The following GABRG3 variants were observed in gnomAD, a reference collection of about 807,000 sequenced individuals.
GABRG3 encodes gamma-aminobutyric acid type A receptor subunit gamma3.
Under a neutral mutation model 48.8 loss-of-function variants are expected in GABRG3, and 25 were observed. The ratio of observed to expected loss-of-function variants is 0.51; its 90% CI spans 0.37 to 0.72. The LOEUF (loss-of-function observed/expected upper bound fraction) is 0.72, where lower values mean the gene tolerates loss of function less well. GABRG3 is among the 30% of genes least tolerant of loss of function. The pLI, the probability that GABRG3 is intolerant of heterozygous loss-of-function variation, is 0.00. For missense variants in GABRG3, 394 were observed against 577.9 expected (o/e 0.68, Z 3.26); for synonymous variants, 227 against 217.6 (o/e 1.04, Z -0.38).
At chr15:27,395,604 T>A (rs1887275242) in intron 5 of GABRG3, among the ~76,000 whole-genome samples, 1 of 152,194 alleles carries the variant, frequency 6.6e-6, no homozygotes, top group African/African-American at 2.4e-5. Flanking sequence ...GTCATCTGAA[T>A]TTCAACAAGA....
chr15:27,244,704 G>A lies in GABRG3; in HGVS notation c.271-82105G>A, dbSNP rs569404626. Among the ~76,000 whole-genome samples, 8 of 152,244 alleles carry A rather than the reference G, an allele frequency of 5.3e-5. No individual in the cohort carries two copies. In the East Asian group the frequency reaches 1.5e-3, roughly 29 times the overall value. Reference sequence around the variant, plus strand: ...AGGCTGAGGTGGGAGGATCGCTTGAGCCCAGGAGTTTGAGGCTACAGTGAG... The same window carrying A: ...AGGCTGAGGTGGGAGGATCGCTTGAACCCAGGAGTTTGAGGCTACAGTGAG... On this transcript the variant is annotated intron_variant, in intron 3 of 9. Coordinates refer to ENST00000615808, the MANE Select transcript of GABRG3 (RefSeq NM_033223.5).
intron 3 of GABRG3, among the ~76,000 whole-genome samples, chr15:27,170,765 G>T (rs1321356605): frequency 2.0e-5 from 3 of 152,148 alleles, no homozygotes; most frequent in Non-Finnish European, 1.5e-5. Flanking sequence ...TAACAAATAA[G>T]ATGTGGGCAA....
intron 3 of GABRG3, among the ~76,000 whole-genome samples, chr15:27,088,929 AAG>A (rs1897136409): frequency 6.6e-6 from 1 of 151,996 alleles, no homozygotes; most frequent in African/African-American, 2.4e-5. Flanking sequence ...CTTGGCTGGG[AAG>A]GAGGGGAATG....
intron 3 of GABRG3, among the ~76,000 whole-genome samples, chr15:27,170,161 G>A (rs1172421937): frequency 6.6e-6 from 1 of 152,088 alleles, no homozygotes; most frequent in East Asian, 1.9e-4. Flanking sequence ...GCAGACATGT[G>A]GGTAAATTTT....
intron 3 of GABRG3, among the ~76,000 whole-genome samples, chr15:27,222,954 C>A (rs1013280891): frequency 6.6e-6 from 1 of 152,222 alleles, no homozygotes; most frequent in Non-Finnish European, 1.5e-5. Context: ...AAACAATCAA[C>A]TTTCAAGCAT....
At chr15:27,243,504 T>C (rs1890189074) in intron 3 of GABRG3, among the ~76,000 whole-genome samples, 1 of 151,832 alleles carries the variant, frequency 6.6e-6, no homozygotes, top group African/African-American at 2.4e-5. Context: ...TCCCGTGGGA[T>C]TGGTTAGGGG....
At chr15:27,455,838 ATGTG>A (rs959644454) in intron 5 of GABRG3, among the ~76,000 whole-genome samples, 2 of 151,180 alleles carry the variant, frequency 1.3e-5, no homozygotes, top group Non-Finnish European at 3.0e-5. Context: ...AGTGTGTGTG[ATGTG>A]TGTGTGTTGT....
chr15:27,089,786 C>A (rs1219450352), intron 3 of GABRG3, among the ~76,000 whole-genome samples: 22 of 152,258 alleles, frequency 1.4e-4, no homozygotes, highest in Non-Finnish European at 3.1e-4. Flanking sequence ...TGAATGAAAT[C>A]ATATGCCATG....
chr15:27,351,908 A>G (rs1470074832), intron 5 of GABRG3, among the ~76,000 whole-genome samples: 5 of 128,358 alleles, frequency 3.9e-5, no homozygotes, highest in African/African-American at 6.0e-5. Context: ...GTATGTATGT[A>G]TAGTGTGTGT....
intron 3 of GABRG3, among the ~76,000 whole-genome samples, chr15:27,056,992 T>C (rs1896559841): frequency 6.6e-6 from 1 of 152,156 alleles, no homozygotes. Flanking sequence ...GACTCTATAC[T>C]CTTCCCTGCT....
At chr15:27,468,758 A>T (rs897578849) in intron 5 of GABRG3, among the ~76,000 whole-genome samples, 1 of 152,238 alleles carries the variant, frequency 6.6e-6, no homozygotes, top group Admixed American at 6.5e-5. Context: ...GGATATGCCA[A>T]AGAGAAGCCA....
At chr15:27,476,781 C>T (rs1460140103) in intron 5 of GABRG3, among the ~76,000 whole-genome samples, 1 of 152,046 alleles carries the variant, frequency 6.6e-6, no homozygotes, top group Non-Finnish European at 1.5e-5. Context: ...AAAATAGTGG[C>T]CAAAAATTTG....
chr15:27,332,458 C>T (rs1023561716), intron 5 of GABRG3, among the ~76,000 whole-genome samples: 38 of 152,036 alleles, frequency 2.5e-4, no homozygotes, highest in East Asian at 1.9e-4. Flanking sequence ...CGCTTGAACC[C>T]GGGAGGCAGA....
intron 3 of GABRG3, among the ~76,000 whole-genome samples, chr15:27,325,211 C>T (rs907052262): frequency 1.3e-5 from 2 of 152,216 alleles, no homozygotes; most frequent in Non-Finnish European, 2.9e-5. Flanking sequence ...CACACACTTA[C>T]ACACACACCT....
At chr15:27,498,176 CTCTT>C (rs1324388031) in intron 6 of GABRG3, among the ~76,000 whole-genome samples, 1 of 151,766 alleles carries the variant, frequency 6.6e-6, no homozygotes, top group African/African-American at 2.4e-5. Flanking sequence ...TTCCTTCTCC[CTCTT>C]TCTTTCTTCT....
intron 3 of GABRG3, among the ~76,000 whole-genome samples, chr15:27,097,141 C>T (rs1027147175): frequency 4.6e-5 from 7 of 151,958 alleles, no homozygotes; most frequent in South Asian, 2.1e-4. Context: ...TGTGAGCCAC[C>T]GCGCCTGGCC....
intron 3 of GABRG3, among the ~76,000 whole-genome samples, chr15:27,100,368 A>G (rs887445176): frequency 6.6e-6 from 1 of 152,214 alleles, no homozygotes; most frequent in African/African-American, 2.4e-5. Flanking sequence ...CTTGAGTTTT[A>G]TATGGTGTAA....
At chr15:27,081,593 A>G (rs1005360490) in intron 3 of GABRG3, among the ~76,000 whole-genome samples, 34 of 152,280 alleles carry the variant, frequency 2.2e-4, no homozygotes, top group African/African-American at 7.9e-4. Flanking sequence ...GCTGGCCCCA[A>G]ATGGATGTCA....
chr15:27,003,358 A>G (rs1895494542), intron 2 of GABRG3, among the ~76,000 whole-genome samples: 1 of 151,768 alleles, frequency 6.6e-6, no homozygotes, highest in African/African-American at 2.4e-5. Flanking sequence ...TCCTAGGCAG[A>G]GGTCCCTGCG....
Sources: gnomAD v4.1 joint callset for allele counts (sites outside exome capture counted in the v4.1 genomes callset) on GRCh38, gnomAD v4.1.1 for gene constraint, MANE v1.5 for transcripts, NCBI Gene and HGNC (gene_info 2026-07-23, HGNC 2026-07-21) for gene names.